The following ANK2 variants were observed in gnomAD, a reference collection of about 807,000 sequenced individuals.
ANK2 encodes ankyrin 2.
Under a neutral mutation model 360.5 loss-of-function variants are expected in ANK2, and 83 were observed. The observed-to-expected ratio is 0.23, with a 90% CI of 0.19 to 0.28. The LOEUF (loss-of-function observed/expected upper bound fraction) is 0.28. Among genes scored for constraint, ANK2 ranks in the 10% least tolerant of loss-of-function variants. ANK2 has a pLI of 1.00. For synonymous variants in ANK2, 1,740 were observed against 1,759.5 expected, an observed-to-expected ratio of 0.99 and a Z score of 0.28; for missense variants, 4,201 against 4,795.7, an observed-to-expected ratio of 0.88 and a Z score of 3.66.
chr4:113,227,960 C>T (rs1356913144), intron 4 of ANK2, among the ~76,000 whole-genome samples: 1 of 152,184 alleles, frequency 6.6e-6, no homozygotes, highest in East Asian at 1.9e-4. Flanking sequence ...ACATTCAAAG[C>T]ATTTTTTACA....
At chr4:113,325,708 T>C (rs2089414681) in intron 26 of ANK2, among the ~76,000 whole-genome samples, 1 of 152,196 alleles carries the variant, frequency 6.6e-6, no homozygotes. Flanking sequence ...AGTGGTATAT[T>C]GTATTGTGTT....
chr4:113,078,386 A>G (rs1379549503), intron 1 of ANK2, among the ~76,000 whole-genome samples: 3 of 152,222 alleles, frequency 2.0e-5, no homozygotes, highest in Non-Finnish European at 4.4e-5. Flanking sequence ...AGGATTCTCT[A>G]TGACATTACT....
chr4:112,938,226 C>A (rs550685782), intron 2 of ANK2, among the ~76,000 whole-genome samples: 1 of 152,044 alleles, frequency 6.6e-6, no homozygotes, highest in African/African-American at 2.4e-5. Flanking sequence ...GTTTTTCTAA[C>A]GAGAAACTGA....
At chr4:112,771,821 G>A in the ANK2 span, among the ~76,000 whole-genome samples, 4 of 152,020 alleles carry the variant, frequency 2.6e-5, no homozygotes, top group Admixed American at 6.6e-5. Flanking sequence ...TCCTGACCTC[G>A]TGATCCACCC....
chr4:112,749,938 G>T, the ANK2 span, among the ~76,000 whole-genome samples: 40 of 152,168 alleles, frequency 2.6e-4, 2 homozygotes, highest in South Asian at 7.9e-3. Context: ...TAGAGATGGG[G>T]TTTCACCGTG....
chr4:113,177,376 G>A (rs930603397), intron 2 of ANK2, among the ~76,000 whole-genome samples: 9 of 152,246 alleles, frequency 5.9e-5, no homozygotes, highest in South Asian at 2.1e-4. Context: ...CACCGCGCCC[G>A]GCCAAACTTA....
intron 2 of ANK2, among the ~76,000 whole-genome samples, chr4:113,185,029 A>C (rs145085251): frequency 2.0e-5 from 3 of 152,334 alleles, no homozygotes; most frequent in Admixed American, 2.0e-4. Context: ...TGCAAAGGAC[A>C]TGAACTCATC....
At chr4:113,246,342 C>T (rs1222885863) in intron 9 of ANK2, among the ~76,000 whole-genome samples, 1 of 152,124 alleles carries the variant, frequency 6.6e-6, no homozygotes, top group Admixed American at 6.6e-5. Flanking sequence ...TCTTGGCTCT[C>T]ATCACCATTT....
At chr4:112,729,606 G>A in the ANK2 span, among the ~76,000 whole-genome samples, 2 of 151,798 alleles carry the variant, frequency 1.3e-5, no homozygotes, top group Admixed American at 1.3e-4. Flanking sequence ...AAATTATCTG[G>A]GCATGGTGGT....
intron 22 of ANK2, among the ~76,000 whole-genome samples, chr4:113,302,124 C>A (rs942873756): frequency 6.6e-6 from 1 of 152,116 alleles, no homozygotes; most frequent in Non-Finnish European, 1.5e-5. Context: ...GAATTTTAAC[C>A]CAGGCAGCTA....
chr4:113,243,251 T>C (rs1459395754), intron 9 of ANK2, among the ~76,000 whole-genome samples: 10 of 152,200 alleles, frequency 6.6e-5, no homozygotes, highest in Non-Finnish European at 4.4e-5. Context: ...AGATGATAAA[T>C]AGAATATGTC....
chr4:112,902,756 G>C (rs560049951), intron 1 of ANK2, among the ~76,000 whole-genome samples: 17 of 152,178 alleles, frequency 1.1e-4, no homozygotes, highest in African/African-American at 2.6e-4. Context: ...TTAAAAACAG[G>C]GTTGTGATTT....
At chr4:113,292,685 C>T (rs1279613488) in intron 21 of ANK2, among the ~76,000 whole-genome samples, 171 bp downstream of exon 21, 1 of 152,154 alleles carries the variant, frequency 6.6e-6, no homozygotes, top group Non-Finnish European at 1.5e-5. Flanking sequence ...GTGTGACTTC[C>T]CCAGAAGTGC....
intron 2 of ANK2, among the ~76,000 whole-genome samples, chr4:113,018,160 C>T (rs929997807): frequency 6.6e-6 from 1 of 152,208 alleles, no homozygotes; most frequent in African/African-American, 2.4e-5. Flanking sequence ...AACTGACAAA[C>T]CACTGTTCTG....
At chr4:112,929,903 A>G (rs2092997055) in intron 2 of ANK2, among the ~76,000 whole-genome samples, 1 of 152,180 alleles carries the variant, frequency 6.6e-6, no homozygotes, top group African/African-American at 2.4e-5. Flanking sequence ...AAGAAAAATT[A>G]TCCTATGCCC....
At chr4:113,099,621 T>C (rs12644634) in intron 1 of ANK2, among the ~76,000 whole-genome samples, 73,449 of 151,724 alleles carry the variant, frequency 0.48, 18,784 homozygotes, top group African/African-American at 0.64. Context: ...TTGTGGATAC[T>C]GACAAACTGA....
rs900258950 is a variant in ANK2 at position 113,346,015 on chromosome 4, A to G, written c.4364A>G (p.Tyr1455Cys). The change falls in exon 35 of 46, where the codon TAT (tyrosine) becomes TGT (cysteine). Residue 1455 changes from tyrosine to cysteine, a missense_variant. Physicochemically the swap from Tyr to Cys is radical, Grantham distance 194. Transcript: ENST00000357077. ...AACTTAAACATCACTTTGCCGATTT[A>G]TACAAAGGTATCGTAAAATCTGCTA... ...ICNLNITLPI[Y>C]TKESESDQEQ... is the part of the protein sequence containing the mutation. 1.2e-6 allele frequency: 2 copies of G among 1,613,272 alleles called. No homozygotes were observed. Among genetic ancestry groups the G allele is most frequent in the Non-Finnish European group, 1.7e-6 (2 of 1,179,420 alleles).
At chr4:112,735,824 C>T in the ANK2 span, among the ~76,000 whole-genome samples, 5 of 152,274 alleles carry the variant, frequency 3.3e-5, no homozygotes, top group African/African-American at 1.2e-4. Flanking sequence ...TGTGTACTCA[C>T]TGAACAGCTC....
At chr4:112,835,845 C>T (rs2060877930) in intron 1 of ANK2, among the ~76,000 whole-genome samples, 1 of 152,124 alleles carries the variant, frequency 6.6e-6, no homozygotes, top group Non-Finnish European at 1.5e-5. Context: ...AATAGATGTT[C>T]AATAAATAGT....
Sources: allele counts gnomAD v4.1 joint callset (sites outside exome capture counted in the v4.1 genomes callset), GRCh38; gene constraint gnomAD v4.1.1; transcripts MANE v1.5; gene names NCBI Gene and HGNC (gene_info 2026-07-23, HGNC 2026-07-21).